The following CEP120 variants were observed in gnomAD, a reference collection of about 807,000 sequenced individuals.
CEP120 encodes centrosomal protein of 120 kDa.
A neutral mutation model predicts 126.5 loss-of-function variants in CEP120; 113 were observed. That is an observed-to-expected ratio of 0.89 (90% CI 0.77 to 1.04). The LOEUF (loss-of-function observed/expected upper bound fraction) is 1.04. CEP120 is among the 50% of genes least tolerant of loss of function. The pLI, the probability that CEP120 is intolerant of heterozygous loss-of-function variation, is 0.00. For missense variants in CEP120, 1,230 were observed against 1,155.7 expected (o/e 1.06, Z -0.93); for synonymous variants, 400 against 394.3 (o/e 1.01, Z -0.17).
At chr5:123,382,256 G>C in intron 13 of CEP120, 56 bp from the exon 14 acceptor site, 5 of 994,456 alleles carry the variant, frequency 5.0e-6, no homozygotes, top group Non-Finnish European at 3.0e-6. Context: ...TCAAATAAAT[G>C]AATCAGTTGT....
rs942244678 is a variant in CEP120 at position 123,346,167 on chromosome 5, T to A, written c.*352A>T. 5.2e-6 allele frequency: 1 copy of A among 193,024 alleles called. No homozygotes were observed. Among genetic ancestry groups the A allele is most frequent in the African/African-American group, 2.4e-5 (1 of 42,338 alleles). 12.0% of individuals were successfully genotyped at this position (193,024 alleles called of 1,614,324 possible). ...TTTTTAAAGTGCAAGATATACTCTT[T>A]TGGCTCAACATGAAACATTATAGAA... On this transcript the variant is annotated 3_prime_UTR_variant, in exon 20 of 20. Transcript: ENST00000306467.
chr5:123,402,497 G>T (rs1773325242), intron 4 of CEP120, among the ~76,000 whole-genome samples: 1 of 151,884 alleles, frequency 6.6e-6, no homozygotes, highest in South Asian at 2.1e-4. Context: ...TGCAACCTCT[G>T]CCCCCCCGGA....
intron 4 of CEP120, 77 bp downstream of exon 4, chr5:123,412,322 A>C: frequency 6.9e-7 from 1 of 1,449,688 alleles, no homozygotes; most frequent in African/African-American, 1.4e-5. Context: ...ATATGTCCCT[A>C]TAACACTCCC....
chr5:123,351,649 T>C (rs1244555706), intron 18 of CEP120, among the ~76,000 whole-genome samples: 1 of 152,180 alleles, frequency 6.6e-6, no homozygotes, highest in Admixed American at 6.5e-5. Flanking sequence ...TGCATATACA[T>C]AATGAGATAT....
intron 10 of CEP120, among the ~76,000 whole-genome samples, chr5:123,385,447 T>C (rs745687504): frequency 6.6e-6 from 1 of 152,222 alleles, no homozygotes; most frequent in Non-Finnish European, 1.5e-5. Context: ...AGTCACATGC[T>C]GTGCAGGTTC....
intron 1 of CEP120, among the ~76,000 whole-genome samples, chr5:123,420,802 T>G (rs1010688379): frequency 2.0e-5 from 3 of 152,216 alleles, no homozygotes; most frequent in Admixed American, 6.5e-5. Flanking sequence ...AACTCATTCA[T>G]TCAAAAACTC....
At chr5:123,371,772 G>C (rs1256121546) in intron 17 of CEP120, among the ~76,000 whole-genome samples, 1 of 152,084 alleles carries the variant, frequency 6.6e-6, no homozygotes, top group Non-Finnish European at 1.5e-5. Flanking sequence ...TCTTCCGCTA[G>C]TGCCCCCTGG....
intron 17 of CEP120, among the ~76,000 whole-genome samples, chr5:123,371,483 G>A (rs1012524366): frequency 6.6e-6 from 1 of 151,878 alleles, no homozygotes; most frequent in Non-Finnish European, 1.5e-5. Flanking sequence ...TCTCCCACCG[G>A]GTCCCTCCCA....
At chr5:123,368,428 G>A (rs75474441) in intron 17 of CEP120, among the ~76,000 whole-genome samples, 8,302 of 151,956 alleles carry the variant, frequency 0.055, 313 homozygotes, top group South Asian at 0.11. Flanking sequence ...TTACTACTTG[G>A]TTTTATCAAA....
chr5:123,363,480 G>A (rs112947687), intron 18 of CEP120, among the ~76,000 whole-genome samples: 1,539 of 143,110 alleles, frequency 0.011, 11 homozygotes, highest in Middle Eastern at 0.022. Context: ...TTTCAATACA[G>A]GAGACTCTTA....
chr5:123,378,325 G>T lies in CEP120; in HGVS notation c.2196+11C>A. 1 of 1,574,454 alleles carries T rather than the reference G, an allele frequency of 6.4e-7. No homozygotes were observed. Among genetic ancestry groups the T allele is most frequent in the Non-Finnish European group, 8.6e-7 (1 of 1,162,030 alleles). On this transcript the variant is annotated intron_variant, in intron 15 of 19. Transcript: ENST00000306467. ...TATGCTGAAAAAAAATACAATGGACGAATGACATACCTCTGATTCCACACT... is the reference window on the plus strand; with the variant it reads ...TATGCTGAAAAAAAATACAATGGACTAATGACATACCTCTGATTCCACACT...
At chr5:123,356,613 ATTTG>A (rs1263643540) in intron 18 of CEP120, among the ~76,000 whole-genome samples, 21 of 55,080 alleles carry the variant, frequency 3.8e-4, no homozygotes, top group African/African-American at 1.1e-3. Flanking sequence ...TAATCAAATA[ATTTG>A]TCATTCAGTT....
In CEP120 at chr5:123,346,565, T is replaced by A. The variant is rs1429610035; in HGVS notation, c.2915A>T (p.Asp972Val). Residue 972 changes from aspartate (D) to valine (V), a missense_variant, in exon 20 of 20, where the codon GAC (aspartate) becomes GTC (valine). Coordinates refer to ENST00000306467, the MANE Select transcript of CEP120 (RefSeq NM_001375405.1). ...TGCCAAAATCTCTCTGATCTGTCGG[T>A]CGAGTTCACTTATTATTCGATCCTC... Reference protein sequence around the residue: ...NHEDRIISELDRQIREILAKS... With the variant: ...NHEDRIISELVRQIREILAKS... 6.2e-7 allele frequency: 1 copy of A among 1,613,782 alleles called. No individual in the cohort carries two copies. The highest frequency in any genetic ancestry group is 2.2e-5 in the East Asian group (1 of 44,850).
Position 123,379,008 on chromosome 5 carries a change from G to A in CEP120, c.2104-580C>T, listed in dbSNP as rs367997362. Among the ~76,000 whole-genome samples, 11 of 151,704 alleles carry A rather than the reference G, an allele frequency of 7.3e-5. No homozygotes were observed. In the South Asian group the frequency reaches 8.4e-4, roughly 12 times the overall value. ...GGAAAGAGAGACCAGTGAAGACAGC[G>A]GAACACAACAGTAGAAAAGTGTAGT... is the stretch of plus-strand genomic sequence containing the variant. On this transcript the variant is annotated intron_variant, in intron 14 of 19. Coordinates refer to ENST00000306467, the MANE Select transcript of CEP120 (RefSeq NM_001375405.1).
chr5:123,374,457 C>T (rs529893289), intron 16 of CEP120, among the ~76,000 whole-genome samples: 25 of 151,938 alleles, frequency 1.6e-4, no homozygotes, highest in African/African-American at 5.6e-4. Flanking sequence ...TAAAAAGGTA[C>T]GAAGATGTTC....
At position 123,412,455 on chromosome 5, in the gene CEP120, G is replaced by C. The variant is rs1381206938; in HGVS notation, c.407C>G (p.Thr136Arg). The change falls in exon 4 of 20, where the codon ACA (threonine) becomes AGA (arginine). Residue 136 changes from threonine to arginine, a missense_variant. Coordinates refer to ENST00000306467, the MANE Select transcript of CEP120 (RefSeq NM_001375405.1). ...IQISIALETD[T>R]KPPVDSFKAK... ...TTTAAAGCTATCCACTGGTGGCTTTGTATCGGTTTCCAAAGCAATACTTAT... is the reference window on the plus strand; with the variant it reads ...TTTAAAGCTATCCACTGGTGGCTTTCTATCGGTTTCCAAAGCAATACTTAT... 5 of 1,611,480 alleles carry C rather than the reference G, an allele frequency of 3.1e-6. No homozygotes were observed. The highest frequency in any genetic ancestry group is 1.7e-5 in the Admixed American group (1 of 59,652).
chr5:123,402,471 G>C, intron 4 of CEP120: 1 of 680,576 alleles, frequency 1.5e-6, no homozygotes, highest in Non-Finnish European at 2.1e-6. Flanking sequence ...CCAGGCTGCA[G>C]TGGATCTCGG....
At chr5:123,397,998 C>T (rs541922187) in intron 5 of CEP120, among the ~76,000 whole-genome samples, 1 of 152,190 alleles carries the variant, frequency 6.6e-6, no homozygotes, top group South Asian at 2.1e-4. Flanking sequence ...GCAGAAGGAT[C>T]AACTGACTCT....
chr5:123,418,536 G>C (rs1160234713), intron 1 of CEP120, 21 bp from the exon 2 acceptor site: 29 of 1,548,680 alleles, frequency 1.9e-5, no homozygotes, highest in Non-Finnish European at 2.5e-5. Flanking sequence ...AGAATATATA[G>C]ATTAATCAAA....
Sources: gnomAD v4.1 joint callset for allele counts (sites outside exome capture counted in the v4.1 genomes callset) on GRCh38, gnomAD v4.1.1 for gene constraint, MANE v1.5 for transcripts, NCBI Gene and HGNC (gene_info 2026-07-23, HGNC 2026-07-21) for gene names.